Variants in SLX4IP observed in about 807,000 individuals in gnomAD.
SLX4IP encodes protein SLX4IP.
SLX4IP carries 34 observed loss-of-function variants against 32.9 expected under a neutral mutation model. That is an observed-to-expected ratio of 1.03 (90% CI 0.79 to 1.38). The LOEUF (loss-of-function observed/expected upper bound fraction) is 1.38. Among genes scored for constraint, SLX4IP ranks in the 40% most tolerant of loss-of-function variants. The pLI, the probability that SLX4IP is intolerant of heterozygous loss-of-function variation, is 0.00. For synonymous variants in SLX4IP, 172 were observed against 171.7 expected (o/e 1.00, Z -0.01); for missense variants, 444 against 479.0 (o/e 0.93, Z 0.68).
chr20:10,602,979 G>A (rs1443491150), intron 6 of SLX4IP, among the ~76,000 whole-genome samples: 2 of 152,182 alleles, frequency 1.3e-5, no homozygotes, highest in African/African-American at 4.8e-5. Context: ...AAACTCTTAA[G>A]AATACACATT....
intron 2 of SLX4IP, among the ~76,000 whole-genome samples, chr20:10,536,671 C>T (rs2066048336): frequency 1.3e-5 from 2 of 152,228 alleles, no homozygotes; most frequent in Non-Finnish European, 2.9e-5. Context: ...GCTAATGCTA[C>T]AAACGTACTG....
At chr20:10,556,196 G>T (rs752832893) in intron 2 of SLX4IP, 35 bp from the exon 3 acceptor site, 2 of 1,585,510 alleles carry the variant, frequency 1.3e-6, no homozygotes, top group Admixed American at 1.7e-5. Flanking sequence ...GGCATGAGCC[G>T]CACAGACACT....
chr20:10,439,187 C>G (rs186398681), intron 1 of SLX4IP, among the ~76,000 whole-genome samples: 19 of 152,150 alleles, frequency 1.2e-4, no homozygotes, highest in Admixed American at 1.2e-3. Flanking sequence ...TTGTTCTTCT[C>G]TAGCTTATTT....
At chr20:10,524,394 G>A (rs148116037) in intron 2 of SLX4IP, among the ~76,000 whole-genome samples, 11 of 152,190 alleles carry the variant, frequency 7.2e-5, no homozygotes, top group African/African-American at 2.6e-4. Context: ...TTGACCACCC[G>A]CCCTGCCTTA....
At chr20:10,502,365 A>C (rs994522779) in intron 2 of SLX4IP, among the ~76,000 whole-genome samples, 1 of 152,184 alleles carries the variant, frequency 6.6e-6, no homozygotes, top group African/African-American at 2.4e-5. Flanking sequence ...GTCAGATCCC[A>C]TCACTCCTCG....
rs2067177389 is a variant in SLX4IP at position 10,626,741 on chromosome 20, G to C, written c.*3362G>C. On this transcript the variant is annotated 3_prime_UTR_variant, in exon 8 of 8. Transcript: ENST00000334534. The stretch of plus-strand genomic sequence containing the variant: ...TGAAATGCAAAGAAGCAAACATTTG[G>C]GGGTAGGGGAGTAAGTGCTGTAGTT... The C allele has an allele frequency of 6.6e-6, 1 of 152,190 alleles. No homozygotes were observed. The highest frequency in any genetic ancestry group is 1.5e-5 in the Non-Finnish European group (1 of 68,034). The allele number at this position is 152,190 out of a possible 1,614,324, so 9.4% of individuals were successfully genotyped here. A position where few individuals can be genotyped will look rare whatever the true frequency, so the allele number is the denominator to read the frequency against.
intron 2 of SLX4IP, among the ~76,000 whole-genome samples, chr20:10,473,511 A>G (rs527874664): frequency 7.9e-5 from 12 of 152,264 alleles, no homozygotes; most frequent in African/African-American, 2.9e-4. Flanking sequence ...ATTGTCATAA[A>G]TATTGATAAT....
intron 4 of SLX4IP, among the ~76,000 whole-genome samples, chr20:10,574,353 T>TG (rs2066499516): frequency 6.6e-6 from 1 of 152,186 alleles, no homozygotes; most frequent in East Asian, 1.9e-4. Flanking sequence ...CTTATTAGAA[T>TG]GATCCTGTTG....
intron 2 of SLX4IP, among the ~76,000 whole-genome samples, chr20:10,511,252 G>C (rs2065805920): frequency 6.6e-6 from 1 of 152,218 alleles, no homozygotes; most frequent in African/African-American, 2.4e-5. Context: ...GGCTGATGGT[G>C]TGCGTTCCCA....
chr20:10,492,037 T>C (rs2065627820), intron 2 of SLX4IP, among the ~76,000 whole-genome samples: 2 of 152,240 alleles, frequency 1.3e-5, no homozygotes, highest in Non-Finnish European at 2.9e-5. Flanking sequence ...CATTGTTATG[T>C]TGGCTGTGGA....
chr20:10,476,586 C>T (rs2065476836), intron 2 of SLX4IP, among the ~76,000 whole-genome samples: 1 of 152,196 alleles, frequency 6.6e-6, no homozygotes, highest in Non-Finnish European at 1.5e-5. Flanking sequence ...GTCTGTTTCA[C>T]TTCCCATAAT....
chr20:10,615,697 T>C (rs1051808782), intron 6 of SLX4IP, among the ~76,000 whole-genome samples: 4 of 152,176 alleles, frequency 2.6e-5, no homozygotes, highest in Admixed American at 1.3e-4. Flanking sequence ...TGGTAACTTA[T>C]AAAGAACAGA....
intron 2 of SLX4IP, among the ~76,000 whole-genome samples, chr20:10,492,188 G>T (rs1401399401): frequency 5.3e-5 from 8 of 152,134 alleles, no homozygotes; most frequent in Non-Finnish European, 1.0e-4. Context: ...ATGTTCTTGG[G>T]TGTGTGAATA....
intron 2 of SLX4IP, among the ~76,000 whole-genome samples, chr20:10,518,478 CTTTCCTTTCCTT>C (rs1568720255): frequency 0.049 from 3,598 of 73,120 alleles, 203 homozygotes; most frequent in Admixed American, 0.081. Context: ...CTTTCTTTTC[CTTTCCTTTCCTT>C]TTCCTTCCTT....
At chr20:10,497,130 T>C (rs1255781804) in intron 2 of SLX4IP, among the ~76,000 whole-genome samples, 2 of 152,178 alleles carry the variant, frequency 1.3e-5, no homozygotes, top group Non-Finnish European at 2.9e-5. Flanking sequence ...GTGATAAACA[T>C]TTAATAGTTC....
intron 2 of SLX4IP, among the ~76,000 whole-genome samples, chr20:10,510,865 A>G (rs2065801569): frequency 6.6e-6 from 1 of 152,152 alleles, no homozygotes; most frequent in Non-Finnish European, 1.5e-5. Context: ...TGGCCTCCCA[A>G]AGTGCTGGGA....
chr20:10,619,591 G>A (rs1460846670), intron 6 of SLX4IP, among the ~76,000 whole-genome samples: 4 of 152,184 alleles, frequency 2.6e-5, no homozygotes, highest in African/African-American at 9.6e-5. Flanking sequence ...TTCCAGCCTT[G>A]GGGAATTTAC....
chr20:10,456,368 G>C (rs1334525708), intron 1 of SLX4IP, among the ~76,000 whole-genome samples: 1 of 152,148 alleles, frequency 6.6e-6, no homozygotes, highest in Admixed American at 6.5e-5. Flanking sequence ...TTCAGACGGA[G>C]TCTTGCTCTG....
At chr20:10,515,017 G>A (rs1307242246) in intron 2 of SLX4IP, among the ~76,000 whole-genome samples, 1 of 151,142 alleles carries the variant, frequency 6.6e-6, no homozygotes, top group Non-Finnish European at 1.5e-5. Context: ...GGACACTCTT[G>A]AGGGGCAGAA....
Sources: gnomAD v4.1 joint callset for allele counts (sites outside exome capture counted in the v4.1 genomes callset) on GRCh38, gnomAD v4.1.1 for gene constraint, MANE v1.5 for transcripts, NCBI Gene and HGNC (gene_info 2026-07-23, HGNC 2026-07-21) for gene names.